The following NRXN3 variants were observed in gnomAD, a reference collection of about 807,000 sequenced individuals.
NRXN3 encodes the protein neurexin 3, also known as neurexin III.
Under a neutral mutation model 137.6 loss-of-function variants are expected in NRXN3, and 32 were observed. That is an observed-to-expected ratio of 0.23 (90% CI 0.18 to 0.31). NRXN3 has a LOEUF of 0.31. Ranked by LOEUF, NRXN3 falls within the 10% of genes least tolerant of loss-of-function variation. The pLI, the probability that NRXN3 is intolerant of heterozygous loss-of-function variation, is 1.00. For missense variants in NRXN3, 1,574 were observed against 2,062.5 expected (o/e 0.76, Z 4.59); for synonymous variants, 798 against 784.5 (o/e 1.02, Z -0.29).
intron 16 of NRXN3, among the ~76,000 whole-genome samples, chr14:79,631,790 C>T (rs143387958): frequency 9.9e-5 from 15 of 151,328 alleles, no homozygotes; most frequent in South Asian, 4.1e-4. Flanking sequence ...GGTTTGTAAA[C>T]GTACCAATCA....
Position 79,691,374 on chromosome 14 carries a change from G to C in NRXN3, c.3617-799G>C, listed in dbSNP as rs901203593. On this transcript the variant is annotated intron_variant, in intron 17 of 20. Coordinates refer to ENST00000335750, the MANE Select transcript of NRXN3 (RefSeq NM_001330195.2). ...GAGAAAGCAGGAGGGAGAGAGGAAA[G>C]GAGGGAAGTGGAGGGAGGCTAAATA... is the stretch of plus-strand genomic sequence containing the variant. Among the ~76,000 whole-genome samples, 7 of 152,114 alleles carry C rather than the reference G, an allele frequency of 4.6e-5. No individual in the cohort carries two copies. The Middle Eastern group carries it at 0.01, about 222-fold the overall frequency.
At chr14:78,734,165 A>G (rs897268438) in intron 8 of NRXN3, among the ~76,000 whole-genome samples, 1 of 151,978 alleles carries the variant, frequency 6.6e-6, no homozygotes, top group South Asian at 2.1e-4. Flanking sequence ...TGTGAAAAAC[A>G]TGTAGGTTTA....
chr14:79,849,038 T>C (rs2141666783), intron 20 of NRXN3, among the ~76,000 whole-genome samples: 1 of 152,220 alleles, frequency 6.6e-6, no homozygotes, highest in Non-Finnish European at 1.5e-5. Flanking sequence ...TGGGCCCCTG[T>C]CCCAACTCTC....
chr14:79,698,087 G>A (rs2098741737), intron 19 of NRXN3, 150 bp downstream of exon 19: 1 of 716,588 alleles, frequency 1.4e-6, no homozygotes, highest in Non-Finnish European at 2.2e-6. Context: ...CAGGAGAAGA[G>A]AAAGGTGAAG....
intron 16 of NRXN3, among the ~76,000 whole-genome samples, chr14:79,493,738 C>A (rs1211784496): frequency 6.6e-6 from 1 of 152,186 alleles, no homozygotes; most frequent in East Asian, 1.9e-4. Flanking sequence ...CAACCCAAAG[C>A]CTCTTCGTAC....
intron 19 of NRXN3, among the ~76,000 whole-genome samples, chr14:79,773,532 A>C (rs1299875014): frequency 4.0e-5 from 6 of 150,984 alleles, no homozygotes; most frequent in African/African-American, 1.2e-4. Context: ...GCAAGAACAA[A>C]CAACCAAACA....
rs544079423 is a variant in NRXN3, at chr14:79,367,125, A to G, written c.3263-100096A>G. On this transcript the variant is annotated intron_variant, in intron 15 of 20. Transcript: ENST00000335750. ...CAGCCTCCCAAGTAGCTGGGACTACAGGCGTCCACCACCACGCCTAGCTTA... is the reference window on the plus strand; with the variant it reads ...CAGCCTCCCAAGTAGCTGGGACTACGGGCGTCCACCACCACGCCTAGCTTA... 1.1e-4 allele frequency among the ~76,000 whole-genome samples: 16 copies of G among 152,052 alleles called. No individual in the cohort carries two copies. In the East Asian group the frequency reaches 3.1e-3, roughly 30 times the overall value.
At chr14:79,767,949 G>A (rs377615917) in intron 19 of NRXN3, among the ~76,000 whole-genome samples, 1 of 152,252 alleles carries the variant, frequency 6.6e-6, no homozygotes, top group Non-Finnish European at 1.5e-5. Flanking sequence ...GTGAGGAATT[G>A]CCTCACTCGG....
intron 4 of NRXN3, among the ~76,000 whole-genome samples, chr14:78,499,723 A>G (rs7150018): frequency 0.42 from 63,224 of 151,638 alleles, 13,332 homozygotes; most frequent in East Asian, 0.5. Context: ...CTCCAAGTTC[A>G]CCTGGTTGTA....
intron 16 of NRXN3, among the ~76,000 whole-genome samples, chr14:79,628,106 C>T (rs925485834): frequency 6.6e-6 from 1 of 152,084 alleles, no homozygotes; most frequent in African/African-American, 2.4e-5. Context: ...AGTTTATAGG[C>T]AAATTCTTGA....
At chr14:79,201,269 T>C (rs1029197959) in intron 15 of NRXN3, 2 of 152,148 alleles carry the variant, frequency 1.3e-5, no homozygotes, top group African/African-American at 4.8e-5. Flanking sequence ...AGAAAACCGA[T>C]GGACAAAGTG....
chr14:79,750,118 G>C (rs1485306123), intron 19 of NRXN3, among the ~76,000 whole-genome samples: 2 of 152,060 alleles, frequency 1.3e-5, no homozygotes, highest in Non-Finnish European at 2.9e-5. Context: ...GTAGGGGAAG[G>C]GCAGCAGAGA....
At chr14:78,943,615 A>ATATATAT (rs2099357759) in intron 10 of NRXN3, among the ~76,000 whole-genome samples, 2 of 42,486 alleles carry the variant, frequency 4.7e-5, no homozygotes, top group South Asian at 1.2e-3. Context: ...ACTGTTAAAA[A>ATATATAT]AAAAAAATAT....
At chr14:79,836,711 G>A (rs755451581) in intron 20 of NRXN3, among the ~76,000 whole-genome samples, 1 of 152,146 alleles carries the variant, frequency 6.6e-6, no homozygotes, top group Non-Finnish European at 1.5e-5. Context: ...ATGGGACAGA[G>A]CTTTCCAGAG....
At chr14:78,820,474 A>G (rs1302212003) in intron 10 of NRXN3, among the ~76,000 whole-genome samples, 1 of 148,524 alleles carries the variant, frequency 6.7e-6, no homozygotes, top group Non-Finnish European at 1.5e-5. Flanking sequence ...TGTTCTGTTG[A>G]CTTACTAGAA....
intron 6 of NRXN3, among the ~76,000 whole-genome samples, chr14:78,697,646 A>C (rs1262846031): frequency 2.0e-5 from 3 of 152,018 alleles, no homozygotes; most frequent in Non-Finnish European, 1.5e-5. Flanking sequence ...ATCACCTTGA[A>C]AGGGAGTCCC....
intron 15 of NRXN3, among the ~76,000 whole-genome samples, chr14:79,412,627 C>T (rs1349198388): frequency 6.7e-6 from 1 of 150,264 alleles, no homozygotes. Context: ...AAAAAAAATA[C>T]AAAAAAGTAG....
At chr14:78,868,462 C>G (rs2099092933) in intron 10 of NRXN3, among the ~76,000 whole-genome samples, 2 of 152,092 alleles carry the variant, frequency 1.3e-5, no homozygotes, top group South Asian at 4.1e-4. Flanking sequence ...GAAAGTACAG[C>G]CAAACCCTGT....
In NRXN3 at chr14:79,462,025, T is replaced by C. The variant is rs79871398; in HGVS notation, c.3263-5196T>C. The stretch of plus-strand genomic sequence containing the variant: ...GTTATACTTATTTTATTACTTAATT[T>C]ATTGTTCTACTTGTTATAATTGTCC... On this transcript the variant is annotated intron_variant, in intron 15 of 20. Coordinates refer to ENST00000335750, the MANE Select transcript of NRXN3 (RefSeq NM_001330195.2). Among the ~76,000 whole-genome samples, 335 of 152,294 alleles carry C rather than the reference T, an allele frequency of 2.2e-3. 1 individual carries two copies. The highest frequency in any genetic ancestry group is 7.9e-3 in the African/African-American group (327 of 41,568).
Sources: gnomAD v4.1 joint callset for allele counts (sites outside exome capture counted in the v4.1 genomes callset) on GRCh38, gnomAD v4.1.1 for gene constraint, MANE v1.5 for transcripts, NCBI Gene and HGNC (gene_info 2026-07-23, HGNC 2026-07-21) for gene names.